The following AP3B1 variants were observed in gnomAD, a reference collection of about 807,000 sequenced individuals.
AP3B1 encodes the protein adaptor related protein complex 3 subunit beta 1.
Under a neutral mutation model 132.5 loss-of-function variants are expected in AP3B1, and 61 were observed. The ratio of observed to expected loss-of-function variants is 0.46; its 90% CI spans 0.37 to 0.57. The LOEUF (loss-of-function observed/expected upper bound fraction) is 0.57, where lower values mean the gene tolerates loss of function less well. Ranked by LOEUF, AP3B1 falls within the 20% of genes least tolerant of loss-of-function variation. The pLI is 0.00. For synonymous variants in AP3B1, 388 were observed against 438.3 expected (o/e 0.89, Z 1.43); for missense variants, 1,120 against 1,289.4 (o/e 0.87, Z 2.01).
At chr5:78,290,640 T>C (rs1229063897) in intron 1 of AP3B1, among the ~76,000 whole-genome samples, 2 of 151,918 alleles carry the variant, frequency 1.3e-5, no homozygotes, top group Non-Finnish European at 2.9e-5. Flanking sequence ...AAAATAAAAG[T>C]TGAGAATATT....
chr5:78,175,875 T>A, intron 9 of AP3B1, 37 bp from the exon 10 acceptor site: 3 of 1,484,810 alleles, frequency 2.0e-6, no homozygotes, highest in Non-Finnish European at 2.8e-6. Context: ...GGGTATATGT[T>A]CCAATGAAAC....
At chr5:78,037,221 T>C (rs541447696) in intron 23 of AP3B1, among the ~76,000 whole-genome samples, 3 of 152,314 alleles carry the variant, frequency 2.0e-5, no homozygotes, top group African/African-American at 7.2e-5. Context: ...ATTAATACTG[T>C]TCTACTGCTT....
At chr5:78,064,232 C>T (rs1045311826) in intron 22 of AP3B1, among the ~76,000 whole-genome samples, 2 of 150,818 alleles carry the variant, frequency 1.3e-5, no homozygotes, top group Non-Finnish European at 2.9e-5. Context: ...CTTAGATATA[C>T]AGTATCAATT....
rs567891800 is a variant in AP3B1, at chr5:78,060,347, A to G, written c.2578-21073T>C. Among the ~76,000 whole-genome samples the G allele has an allele frequency of 1.5e-4, 23 of 152,352 alleles. No individual in the cohort carries two copies. The South Asian group carries it at 4.1e-3, about 27-fold the overall frequency. On this transcript the variant is annotated intron_variant, in intron 22 of 26. Coordinates refer to ENST00000255194, the MANE Select transcript of AP3B1 (RefSeq NM_003664.5). ...TGTGAGAAAAGTGGAACCACAAAAC[A>G]TATAAGCAAATGCTGCTCAGAAAAA...
chr5:78,065,824 C>CTT (rs1749266510), intron 22 of AP3B1, among the ~76,000 whole-genome samples: 2 of 152,212 alleles, frequency 1.3e-5, no homozygotes, highest in South Asian at 2.1e-4. Context: ...AGCCAGAGTG[C>CTT]TTCCTTAAGC....
At chr5:78,006,986 T>TA (rs1340674025) in intron 26 of AP3B1, among the ~76,000 whole-genome samples, 1 of 152,222 alleles carries the variant, frequency 6.6e-6, no homozygotes, top group African/African-American at 2.4e-5. Flanking sequence ...TATTTTGTCT[T>TA]AACTATAGTC....
intron 22 of AP3B1, among the ~76,000 whole-genome samples, chr5:78,040,519 T>C (rs528963510): frequency 1.3e-5 from 2 of 152,298 alleles, no homozygotes; most frequent in Non-Finnish European, 2.9e-5. Flanking sequence ...AACATTAGAC[T>C]CTTAATTAAA....
intron 7 of AP3B1, among the ~76,000 whole-genome samples, chr5:78,209,315 A>T (rs1025454041): frequency 1.3e-5 from 2 of 152,138 alleles, no homozygotes; most frequent in African/African-American, 4.8e-5. Flanking sequence ...TCTGATAAAC[A>T]TTTATAATCT....
intron 1 of AP3B1, among the ~76,000 whole-genome samples, chr5:78,270,285 T>C (rs1748496360): frequency 6.6e-6 from 1 of 152,102 alleles, no homozygotes; most frequent in Admixed American, 6.5e-5. Context: ...CTGGAAATTT[T>C]AAAAAGAAAA....
chr5:78,231,014 G>A (rs1189107905), intron 3 of AP3B1, among the ~76,000 whole-genome samples: 1 of 151,860 alleles, frequency 6.6e-6, no homozygotes, highest in Non-Finnish European at 1.5e-5. Context: ...CAGCTACTGG[G>A]AAGGCTGAGG....
chr5:78,137,555 A>G (rs541408948), intron 15 of AP3B1, among the ~76,000 whole-genome samples: 18 of 152,338 alleles, frequency 1.2e-4, no homozygotes, highest in African/African-American at 4.3e-4. Flanking sequence ...TCCTCAGGAT[A>G]AAAGCCATAA....
At chr5:78,003,150 C>A in intron 26 of AP3B1, 95 bp from the exon 27 acceptor site, 1 of 1,419,870 alleles carries the variant, frequency 7.0e-7, no homozygotes, top group South Asian at 1.3e-5. Context: ...TCTTTTTTGT[C>A]AAATGAAATA....
Position 78,175,713 on chromosome 5 carries a change from A to G in AP3B1, c.1096-16T>C, listed in dbSNP as rs1479676318. The G allele has an allele frequency of 6.2e-7, 1 of 1,611,328 alleles. No homozygotes were observed. Among genetic ancestry groups the G allele is most frequent in the African/African-American group, 1.3e-5 (1 of 74,990 alleles). On this transcript the variant is annotated splice_polypyrimidine_tract_variant and intron_variant, in intron 10 of 26. Transcript: ENST00000255194. Reference sequence around the variant, plus strand: ...CAAACATCCCCTGGATTACAAAAATAAATACAAAAATACATTATGGTACTA... The same window carrying G: ...CAAACATCCCCTGGATTACAAAAATGAATACAAAAATACATTATGGTACTA...
intron 6 of AP3B1, 128 bp from the exon 7 acceptor site, chr5:78,216,365 G>A: frequency 1.1e-6 from 1 of 884,892 alleles, no homozygotes; most frequent in Non-Finnish European, 1.8e-6. Context: ...CAATTAAAAT[G>A]AATGTTCATG....
chr5:78,096,769 G>A (rs1246374605), intron 21 of AP3B1, among the ~76,000 whole-genome samples: 12 of 151,250 alleles, frequency 7.9e-5, no homozygotes, highest in Non-Finnish European at 1.2e-4. Flanking sequence ...GAGCCCCTCC[G>A]CCCGGCAGCC....
intron 11 of AP3B1, among the ~76,000 whole-genome samples, chr5:78,169,243 A>G (rs961654937): frequency 1.4e-5 from 2 of 147,178 alleles, no homozygotes; most frequent in African/African-American, 2.4e-5. Flanking sequence ...CCCTTGTGTT[A>G]GCATGAATTA....
At chr5:78,200,776 T>C (rs1181933404) in intron 7 of AP3B1, among the ~76,000 whole-genome samples, 4 of 152,158 alleles carry the variant, frequency 2.6e-5, no homozygotes, top group Non-Finnish European at 5.9e-5. Context: ...TACCAAATGT[T>C]GGTGAGGATG....
At chr5:78,174,144 G>A (rs1271688528) in intron 11 of AP3B1, among the ~76,000 whole-genome samples, 3 of 152,038 alleles carry the variant, frequency 2.0e-5, no homozygotes, top group Admixed American at 6.6e-5. Context: ...CCTTTCGCTC[G>A]GAGAAGTTTG....
intron 22 of AP3B1, chr5:78,043,903 C>A: frequency 2.8e-6 from 1 of 353,828 alleles, no homozygotes; most frequent in South Asian, 2.7e-5. Context: ...GAACCATTAC[C>A]ATGGGTTGGG....
Sources: allele counts gnomAD v4.1 joint callset (sites outside exome capture counted in the v4.1 genomes callset), GRCh38; gene constraint gnomAD v4.1.1; transcripts MANE v1.5; gene names NCBI Gene and HGNC (gene_info 2026-07-23, HGNC 2026-07-21).